Variants in REST observed in about 807,000 individuals in gnomAD.
REST encodes RE1 silencing transcription factor, also known as RE1-silencing transcription factor.
Under a neutral mutation model 30.4 loss-of-function variants are expected in REST, and 1 was observed. The ratio of observed to expected loss-of-function variants is 0.03; its 90% CI spans 0.01 to 0.16. REST has a LOEUF of 0.16. Among genes scored for constraint, REST ranks in the 10% least tolerant of loss-of-function variants. The pLI is 1.00. For missense variants in REST, 1,259 were observed against 1,329.5 expected (o/e 0.95, Z 0.82); for synonymous variants, 504 against 451.1 (o/e 1.12, Z -1.49).
intron 3 of REST, among the ~76,000 whole-genome samples, chr4:56,927,230 C>T (rs183698708): frequency 3.3e-5 from 5 of 152,290 alleles, no homozygotes; most frequent in Non-Finnish European, 5.9e-5. Flanking sequence ...GTTCTTAGGC[C>T]TTATGCTACC....
chr4:56,918,453 A>G (rs1221023846), intron 2 of REST, among the ~76,000 whole-genome samples: 1 of 152,148 alleles, frequency 6.6e-6, no homozygotes, highest in African/African-American at 2.4e-5. Context: ...CGTTCATGCC[A>G]CCACACTCCA....
rs542866271 is a variant in REST at position 56,933,366 on chromosome 4, T to C, written c.*1214T>C. 1.3e-5 allele frequency: 2 copies of C among 152,312 alleles called. No homozygotes were observed. Among genetic ancestry groups the C allele is most frequent in the African/African-American group, 4.8e-5 (2 of 41,570 alleles). The allele number at this position is 152,312 out of a possible 1,614,324, so 9.4% of individuals were successfully genotyped here. ...ACTACAAACCTGGAATTAGGAGATA[T>C]AATTATTCCTTCAAGTTTTATAGAA... On this transcript the variant is annotated 3_prime_UTR_variant, in exon 4 of 4. Transcript: ENST00000309042.
chr4:56,917,145 C>G (rs966037198), intron 2 of REST, among the ~76,000 whole-genome samples: 11 of 152,122 alleles, frequency 7.2e-5, no homozygotes, highest in African/African-American at 2.7e-4. Context: ...TGTTTATTGG[C>G]TATTTGTAAA....
chr4:56,908,737 G>A (rs1719742118), intron 1 of REST, among the ~76,000 whole-genome samples: 1 of 152,110 alleles, frequency 6.6e-6, no homozygotes, highest in African/African-American at 2.4e-5. Context: ...CGCCTGCGGG[G>A]CTGGACAGCG....
chr4:56,911,009 T>C lies in REST; in HGVS notation c.371T>C (p.Val124Ala). ...CTCAGCGTCGTAGAACCTCAGCCTG[T>C]ATTTGAGGCATCAGGTGCTCCAGAT... Reference protein sequence around the residue: ...LELSVVEPQPVFEASGAPDIY... With the variant: ...LELSVVEPQPAFEASGAPDIY... The change falls in exon 2 of 4, where the codon GTA becomes GCA. Residue 124 changes from valine (V) to alanine (A), a missense_variant. Transcript: ENST00000309042. 6.2e-7 allele frequency: 1 copy of C among 1,614,192 alleles called. No homozygotes were observed. The highest frequency in any genetic ancestry group is 8.5e-7 in the Non-Finnish European group (1 of 1,180,040).
In REST at chr4:56,931,107, C is replaced by G. The variant is rs2109576658; in HGVS notation, c.2249C>G (p.Ser750Cys). The change falls in exon 4 of 4, where the codon TCT (serine) becomes TGT (cysteine). Residue 750 changes from serine to cysteine, a missense_variant. Around this residue, in one of 5 missense-constraint regions of REST, gnomAD observed 856 missense variants for 772.8 expected, o/e 1.11. Transcript: ENST00000309042. ...VQKEPVQIEL[S>C]PPMEVVQKEP... ...AAGGAGCCTGTTCAGATAGAGCTGT[C>G]TCCTCCCATGGAGGTGGTCCAGAAG... The G allele has an allele frequency of 6.3e-7, 1 of 1,597,502 alleles. No individual in the cohort carries two copies. The highest frequency in any genetic ancestry group is 8.6e-7 in the Non-Finnish European group (1 of 1,167,554).
At chr4:56,918,819 C>T (rs535182181) in intron 2 of REST, among the ~76,000 whole-genome samples, 13 of 151,646 alleles carry the variant, frequency 8.6e-5, no homozygotes, top group South Asian at 4.2e-4. Context: ...CACAGGCATG[C>T]GCCACCACGC....
intron 3 of REST, among the ~76,000 whole-genome samples, chr4:56,929,269 C>T (rs1215594459): frequency 1.3e-5 from 2 of 152,064 alleles, no homozygotes; most frequent in Admixed American, 1.3e-4. Context: ...TGGGGTTTCA[C>T]CGTGTTGGCC....
chr4:56,913,997 G>A (rs996722384), intron 2 of REST, among the ~76,000 whole-genome samples: 14 of 150,942 alleles, frequency 9.3e-5, no homozygotes, highest in Non-Finnish European at 5.9e-5. Context: ...GTGCAGTGGC[G>A]AGATCACTGC....
chr4:56,911,307 CA>C lies in REST; in HGVS notation c.671del (p.Asn224IlefsTer12). ...GPIRCDRCGY[N>X]TNRYDHYTAH... ...CCATTCGCTGTGACCGCTGCGGCTACAATACTAATCGATATGATCACTATAC... is the reference window on the plus strand; with the variant it reads ...CCATTCGCTGTGACCGCTGCGGCTACATACTAATCGATATGATCACTATAC... On this transcript the variant is annotated frameshift_variant, in exon 2 of 4. Coordinates refer to ENST00000309042, the MANE Select transcript of REST (RefSeq NM_005612.5). LOFTEE classifies it high-confidence loss of function. The C allele has an allele frequency of 6.2e-7, 1 of 1,614,100 alleles. No homozygotes were observed. The highest frequency in any genetic ancestry group is 8.5e-7 in the Non-Finnish European group (1 of 1,180,030).
At position 56,931,667 on chromosome 4, in the gene REST, A is replaced by G; in HGVS notation, c.2809A>G (p.Lys937Glu). Residue 937 changes from lysine to glutamate, a missense_variant, in exon 4 of 4, where the codon AAA becomes GAA. By Grantham distance (56) the Lys-to-Glu change is moderately conservative. Coordinates refer to ENST00000309042, the MANE Select transcript of REST (RefSeq NM_005612.5). ...NTPEGETLNGKHQTDSIVCEM... is the reference protein window; with the variant it reads ...NTPEGETLNGEHQTDSIVCEM... ...GCCAGAGGGTGAAACTTTAAATGGT[A>G]AACATCAGACTGACAGTATAGTTTG... 1 of 1,614,274 alleles carries G rather than the reference A, an allele frequency of 6.2e-7. No individual in the cohort carries two copies. Among genetic ancestry groups the G allele is most frequent in the South Asian group, 1.1e-5 (1 of 91,086 alleles).
At chr4:56,923,110 A>C (rs1008146468) in intron 3 of REST, among the ~76,000 whole-genome samples, 7 of 152,220 alleles carry the variant, frequency 4.6e-5, no homozygotes, top group African/African-American at 1.7e-4. Context: ...GTTACAGTAT[A>C]GCAAGTATTT....
At chr4:56,910,480 G>C (rs895853819) in intron 1 of REST, 150 bp from the exon 2 acceptor site, 36 of 630,626 alleles carry the variant, frequency 5.7e-5, no homozygotes, top group Non-Finnish European at 6.1e-5. Flanking sequence ...CTATTTTAAA[G>C]ATTTGTTTTT....
intron 2 of REST, among the ~76,000 whole-genome samples, chr4:56,915,641 T>C (rs1720162703): frequency 6.6e-6 from 1 of 152,184 alleles, no homozygotes; most frequent in Non-Finnish European, 1.5e-5. Context: ...ATTAAATGGA[T>C]AGTTCTGAAA....
At position 56,911,453 on chromosome 4, in the gene REST, C is replaced by T; in HGVS notation, c.815C>T (p.Pro272Leu). 1 of 1,614,050 alleles carries T rather than the reference C, an allele frequency of 6.2e-7. No individual in the cohort carries two copies. ...AGGAAACATTTAAGAAACCATTTTCCAAGGAAAGTATACACATGTGGAAAA... is the reference window on the plus strand; with the variant it reads ...AGGAAACATTTAAGAAACCATTTTCTAAGGAAAGTATACACATGTGGAAAA... ...HWRKHLRNHFPRKVYTCGKCN... is the reference protein window; with the variant it reads ...HWRKHLRNHFLRKVYTCGKCN... The change falls in exon 2 of 4, where the codon CCA (proline) becomes CTA (leucine). Residue 272 changes from proline (P) to leucine (L), a missense_variant. By Grantham distance (98) the Pro-to-Leu change is moderately conservative. Transcript: ENST00000309042.
At chr4:56,916,016 G>A (rs1212901606) in intron 2 of REST, among the ~76,000 whole-genome samples, 2 of 152,104 alleles carry the variant, frequency 1.3e-5, no homozygotes, top group South Asian at 2.1e-4. Flanking sequence ...CAGGAGAATC[G>A]CTTGAACCTG....
At chr4:56,919,395 C>T (rs1720348652) in intron 2 of REST, among the ~76,000 whole-genome samples, 1 of 151,842 alleles carries the variant, frequency 6.6e-6, no homozygotes, top group Non-Finnish European at 1.5e-5. Context: ...AACCTAAAAA[C>T]CGGTGTTAAT....
rs35149595 is a variant in REST, at chr4:56,925,164, C to CAAA, written c.983-4659_983-4657dup. Among the ~76,000 whole-genome samples, 10 of 82,400 alleles carry CAAA rather than the reference C, an allele frequency of 1.2e-4. No homozygotes were observed. The East Asian group carries it at 1.4e-3, about 12-fold the overall frequency. 54.1% of individuals were successfully genotyped at this position (82,400 alleles called of 152,430 possible). A position where few individuals can be genotyped will look rare whatever the true frequency, so the allele number is the denominator to read the frequency against. On this transcript the variant is annotated intron_variant, in intron 3 of 3. Transcript: ENST00000309042. ...TGGGCAGCTGAGCGAGACTCAGTCTCAAAAAAAAAAAAAAAAAAAATTTCT... is the reference window on the plus strand; with the variant it reads ...TGGGCAGCTGAGCGAGACTCAGTCTCAAAAAAAAAAAAAAAAAAAAAAATTTCT...
intron 2 of REST, among the ~76,000 whole-genome samples, chr4:56,918,797 A>T (rs1455705229): frequency 6.6e-6 from 1 of 151,938 alleles, no homozygotes; most frequent in Non-Finnish European, 1.5e-5. Flanking sequence ...CAGCCTCCCA[A>T]GTAGCTGGGA....
Sources: allele counts gnomAD v4.1 joint callset (sites outside exome capture counted in the v4.1 genomes callset), GRCh38; gene constraint gnomAD v4.1.1; regional missense constraint gnomAD v4.1.1; transcripts MANE v1.5; gene names NCBI Gene and HGNC (gene_info 2026-07-23, HGNC 2026-07-21).